Variants in HECW1 observed in about 807,000 individuals in gnomAD.
HECW1 encodes HECT, C2 and WW domain containing E3 ubiquitin protein ligase 1.
HECW1 carries 61 observed loss-of-function variants against 182.3 expected under a neutral mutation model. That is an observed-to-expected ratio of 0.33 (90% CI 0.27 to 0.41). The LOEUF is 0.41. HECW1 is among the 10% of genes least tolerant of loss of function. The pLI, the probability that HECW1 is intolerant of heterozygous loss-of-function variation, is 1.00. For missense variants in HECW1, 1,739 were observed against 2,108.9 expected, an observed-to-expected ratio of 0.82 and a Z score of 3.44; for synonymous variants, 859 against 832.6, an observed-to-expected ratio of 1.03 and a Z score of -0.55.
chr7:43,473,634 A>T (rs981316705), intron 16 of HECW1, among the ~76,000 whole-genome samples: 1 of 152,168 alleles, frequency 6.6e-6, no homozygotes, highest in South Asian at 2.1e-4. Context: ...ATAAAAAAAA[A>T]AAAGTAAGGA....
chr7:43,217,331 C>T lies in HECW1; in HGVS notation c.-31-26544C>T, dbSNP rs191429835. 1.5e-4 allele frequency among the ~76,000 whole-genome samples: 23 copies of T among 152,316 alleles called. No homozygotes were observed. The East Asian group carries it at 4.2e-3, about 28-fold the overall frequency. On this transcript the variant is annotated intron_variant, in intron 2 of 29. Coordinates refer to ENST00000395891, the MANE Select transcript of HECW1 (RefSeq NM_015052.5). ...GTCTCAGTTAGCTATGTATAAAATA[C>T]ACTTTGGGTTCCAGCTAAATGAAGT...
At chr7:43,183,643 T>C (rs1328302995) in intron 2 of HECW1, among the ~76,000 whole-genome samples, 1 of 152,228 alleles carries the variant, frequency 6.6e-6, no homozygotes, top group Non-Finnish European at 1.5e-5. Flanking sequence ...TTGATTTTCA[T>C]ACAATGTTTA....
chr7:43,153,188 CT>C (rs1189615741), intron 2 of HECW1, among the ~76,000 whole-genome samples: 1 of 152,082 alleles, frequency 6.6e-6, no homozygotes, highest in Non-Finnish European at 1.5e-5. Context: ...AACCACTGAT[CT>C]CCATCAAGCC....
chr7:43,424,319 T>C (rs1461379095), intron 8 of HECW1, among the ~76,000 whole-genome samples: 1 of 152,160 alleles, frequency 6.6e-6, no homozygotes, highest in Non-Finnish European at 1.5e-5. Flanking sequence ...GAAAAAAAGT[T>C]ACTAAAAAAA....
intron 2 of HECW1, among the ~76,000 whole-genome samples, chr7:43,137,210 T>C (rs1787637583): frequency 3.3e-5 from 5 of 152,212 alleles, no homozygotes; most frequent in Admixed American, 2.6e-4. Flanking sequence ...TCATCTCTTC[T>C]GCATCTCCTC....
chr7:43,340,363 G>T (rs1812813026), intron 5 of HECW1, among the ~76,000 whole-genome samples: 1 of 151,066 alleles, frequency 6.6e-6, no homozygotes, highest in African/African-American at 2.5e-5. Context: ...TGGGATTACA[G>T]TCGCCAGCCA....
chr7:43,553,342 C>T (rs912826447), intron 28 of HECW1, among the ~76,000 whole-genome samples: 1 of 152,102 alleles, frequency 6.6e-6, no homozygotes, highest in African/African-American at 2.4e-5. Context: ...CACTCAGCCC[C>T]GCAATGCCTC....
intron 6 of HECW1, among the ~76,000 whole-genome samples, chr7:43,370,242 G>A (rs1279255810): frequency 6.6e-6 from 1 of 152,140 alleles, no homozygotes; most frequent in Non-Finnish European, 1.5e-5. Flanking sequence ...TGGAAAATTA[G>A]CATATGAAAA....
chr7:43,381,314 C>T (rs775521690), intron 6 of HECW1, among the ~76,000 whole-genome samples: 1 of 151,972 alleles, frequency 6.6e-6, no homozygotes, highest in Non-Finnish European at 1.5e-5. Context: ...AAAGTTCTTA[C>T]TTTTATTTAT....
At chr7:43,332,661 T>C (rs1351012203) in intron 5 of HECW1, among the ~76,000 whole-genome samples, 1 of 151,834 alleles carries the variant, frequency 6.6e-6, no homozygotes, top group Non-Finnish European at 1.5e-5. Flanking sequence ...ACTTCAGGAG[T>C]GTGGCCTGTG....
chr7:43,174,156 T>A (rs1562631325), intron 2 of HECW1, among the ~76,000 whole-genome samples: 1 of 152,184 alleles, frequency 6.6e-6, no homozygotes, highest in Admixed American at 6.5e-5. Context: ...TGAGTCTTGA[T>A]AGGTGGAATT....
intron 2 of HECW1, among the ~76,000 whole-genome samples, chr7:43,149,279 C>T (rs1336725841): frequency 1.3e-5 from 2 of 152,146 alleles, no homozygotes; most frequent in Non-Finnish European, 2.9e-5. Flanking sequence ...TCGATATCAC[C>T]TCCAGATATG....
chr7:43,491,101 G>A (rs1350557549), intron 17 of HECW1, among the ~76,000 whole-genome samples: 1 of 152,152 alleles, frequency 6.6e-6, no homozygotes, highest in Non-Finnish European at 1.5e-5. Flanking sequence ...ATCAACTTTA[G>A]GCTAAGCAAG....
intron 5 of HECW1, 101 bp from the exon 6 acceptor site, chr7:43,360,785 G>A (rs1433708590): frequency 3.5e-6 from 3 of 859,618 alleles, no homozygotes; most frequent in Non-Finnish European, 3.9e-6. Context: ...TTGCTCGTGG[G>A]GGAATTATGT....
chr7:43,356,506 C>T (rs192764116), intron 5 of HECW1, among the ~76,000 whole-genome samples: 45 of 152,244 alleles, frequency 3.0e-4, no homozygotes, highest in African/African-American at 8.7e-4. Flanking sequence ...ATCATTCCAG[C>T]AAGGAAATGT....
chr7:43,125,757 T>TTAAAAAAA (rs751743641), intron 2 of HECW1, among the ~76,000 whole-genome samples: 3 of 86,542 alleles, frequency 3.5e-5, no homozygotes, highest in Non-Finnish European at 6.4e-5. Flanking sequence ...GATTCTGTCT[T>TTAAAAAAA]AAAAAAAAAA....
At chr7:43,488,258 C>G (rs1585059294) in intron 17 of HECW1, among the ~76,000 whole-genome samples, 1 of 149,974 alleles carries the variant, frequency 6.7e-6, no homozygotes, top group South Asian at 2.1e-4. Flanking sequence ...TGCAGTGAGC[C>G]AAGATCGCGC....
At chr7:43,166,474 G>A (rs2152662727) in intron 2 of HECW1, among the ~76,000 whole-genome samples, 1 of 152,292 alleles carries the variant, frequency 6.6e-6, no homozygotes, top group African/African-American at 2.4e-5. Context: ...GCAGCACCCA[G>A]GCCAGCTGCA....
chr7:43,336,103 C>CTTCTTTCTTTCT lies in HECW1; in HGVS notation c.460+15374_460+15385dup, dbSNP rs1300854192. 3.5e-4 allele frequency among the ~76,000 whole-genome samples: 37 copies of CTTCTTTCTTTCT among 107,176 alleles called. 1 individual carries two copies. Among genetic ancestry groups the CTTCTTTCTTTCT allele is most frequent in the African/African-American group, 1.4e-3 (37 of 26,334 alleles). The allele number at this position is 107,176 out of a possible 152,430, so 70.3% of individuals were successfully genotyped here. A position where few individuals can be genotyped will look rare whatever the true frequency, so the allele number is the denominator to read the frequency against. On this transcript the variant is annotated intron_variant, in intron 5 of 29. Coordinates refer to ENST00000395891, the MANE Select transcript of HECW1 (RefSeq NM_015052.5). ...TTTCTTTCTTTCTCTTTCTTTCTTT[C>CTTCTTTCTTTCT]TTCTTTCTTTCTTTCTTTCTTTCTC...
Sources: gnomAD v4.1 joint callset for allele counts (sites outside exome capture counted in the v4.1 genomes callset) on GRCh38, gnomAD v4.1.1 for gene constraint, MANE v1.5 for transcripts, NCBI Gene and HGNC (gene_info 2026-07-23, HGNC 2026-07-21) for gene names.